The following CNTN1 variants were observed in gnomAD, a reference collection of about 807,000 sequenced individuals.
CNTN1 encodes contactin-1.
A neutral mutation model predicts 126.4 loss-of-function variants in CNTN1; 38 were observed. The observed-to-expected ratio is 0.30, with a 90% CI of 0.23 to 0.39. The LOEUF is 0.39. CNTN1 is among the 10% of genes least tolerant of loss of function. The pLI is 1.00. For synonymous variants in CNTN1, 413 were observed against 422.6 expected, an observed-to-expected ratio of 0.98 and a Z score of 0.28; for missense variants, 1,009 against 1,248.4, an observed-to-expected ratio of 0.81 and a Z score of 2.89.
At chr12:40,773,698 T>TATATATATATATATACAC (rs1939461807) in intron 1 of CNTN1, among the ~76,000 whole-genome samples, 2 of 13,936 alleles carry the variant, frequency 1.4e-4, no homozygotes, top group African/African-American at 3.3e-4. Flanking sequence ...TATATACACA[T>TATATATATATATATACAC]ATATATATAT....
chr12:40,981,880 A>T (rs2120384065), intron 16 of CNTN1, among the ~76,000 whole-genome samples: 1 of 152,132 alleles, frequency 6.6e-6, no homozygotes, highest in Middle Eastern at 3.4e-3. Context: ...CCCAGTTGTC[A>T]CAAGAGGAGA....
At chr12:40,994,341 A>G (rs1027147898) in intron 17 of CNTN1, among the ~76,000 whole-genome samples, 1 of 152,096 alleles carries the variant, frequency 6.6e-6, no homozygotes, top group South Asian at 2.1e-4. Flanking sequence ...ATTAAACTCC[A>G]TGATTAAAGG....
intron 1 of CNTN1, among the ~76,000 whole-genome samples, chr12:40,739,019 T>C (rs1937819342): frequency 6.6e-6 from 1 of 151,976 alleles, no homozygotes; most frequent in Admixed American, 6.6e-5. Flanking sequence ...CACATGACAG[T>C]CATACCAGTA....
Position 40,908,572 on chromosome 12 carries a change from A to C in CNTN1, c.61+79A>C, listed in dbSNP as rs35684552. 43,126 of 1,076,696 alleles carry C rather than the reference A, an allele frequency of 0.04. 1,040 individuals carry two copies. The highest frequency in any genetic ancestry group is 0.086 in the Middle Eastern group (286 of 3,314). 66.7% of individuals were successfully genotyped at this position (1,076,696 alleles called of 1,614,324 possible). A position where few individuals can be genotyped will look rare whatever the true frequency, so the allele number is the denominator to read the frequency against. On this transcript the variant is annotated intron_variant, in intron 2 of 23. Transcript: ENST00000551295. ...GCGTGTTTATTAAATGTATTGTATG[A>C]AGTAAAAATTCTTATTTTCTCGACA... is the stretch of plus-strand genomic sequence containing the variant.
At chr12:40,877,988 C>CTTTTTT (rs199626249) in intron 1 of CNTN1, among the ~76,000 whole-genome samples, 96 of 109,330 alleles carry the variant, frequency 8.8e-4, no homozygotes, top group African/African-American at 2.4e-3. Flanking sequence ...CAGTTTTTTC[C>CTTTTTT]TTTTTTTTTT....
At chr12:41,063,728 G>T (rs1481946944) in intron 23 of CNTN1, among the ~76,000 whole-genome samples, 1 of 152,172 alleles carries the variant, frequency 6.6e-6, no homozygotes. Context: ...TTGGTCTGGG[G>T]ATAGGTGTGT....
At chr12:40,861,639 A>G (rs1029592167) in intron 1 of CNTN1, among the ~76,000 whole-genome samples, 1 of 152,070 alleles carries the variant, frequency 6.6e-6, no homozygotes, top group African/African-American at 2.4e-5. Context: ...AATAATCCTT[A>G]AGAACCGTTC....
intron 1 of CNTN1, among the ~76,000 whole-genome samples, chr12:40,834,309 T>A (rs781752130): frequency 6.6e-6 from 1 of 152,230 alleles, no homozygotes; most frequent in Non-Finnish European, 1.5e-5. Flanking sequence ...TAACTGCCCT[T>A]TCACCCGTTC....
At chr12:41,028,557 G>T (rs1949081627) in intron 22 of CNTN1, among the ~76,000 whole-genome samples, 1 of 152,108 alleles carries the variant, frequency 6.6e-6, no homozygotes, top group Non-Finnish European at 1.5e-5. Flanking sequence ...TGATAGGGTT[G>T]CCCAGCACCC....
At chr12:41,052,550 A>G (rs767611929) in intron 23 of CNTN1, among the ~76,000 whole-genome samples, 1 of 151,728 alleles carries the variant, frequency 6.6e-6, no homozygotes, top group African/African-American at 2.4e-5. Context: ...TTTCCTCTCA[A>G]TTTTCTTATT....
chr12:40,695,045 G>A (rs1941417038), intron 1 of CNTN1, among the ~76,000 whole-genome samples: 1 of 152,114 alleles, frequency 6.6e-6, no homozygotes, highest in Non-Finnish European at 1.5e-5. Context: ...ATTTTCACTT[G>A]GGAACTTAAT....
intron 1 of CNTN1, among the ~76,000 whole-genome samples, chr12:40,858,937 C>T (rs550670573): frequency 5.9e-4 from 89 of 151,534 alleles, no homozygotes; most frequent in African/African-American, 2.1e-3. Context: ...TGAGAACACA[C>T]GGACATAGGG....
intron 1 of CNTN1, among the ~76,000 whole-genome samples, chr12:40,852,136 G>T (rs1387785696): frequency 1.3e-5 from 2 of 152,102 alleles, no homozygotes; most frequent in African/African-American, 2.4e-5. Flanking sequence ...TCAGCATTCA[G>T]CAGAGAGGCC....
At chr12:40,867,235 C>G (rs1024715506) in intron 1 of CNTN1, among the ~76,000 whole-genome samples, 1 of 152,102 alleles carries the variant, frequency 6.6e-6, no homozygotes, top group East Asian at 1.9e-4. Flanking sequence ...GACATAGAAA[C>G]TAAAAAGACA....
At chr12:40,855,975 A>G (rs1459432217) in intron 1 of CNTN1, among the ~76,000 whole-genome samples, 2 of 152,102 alleles carry the variant, frequency 1.3e-5, no homozygotes, top group Admixed American at 6.6e-5. Flanking sequence ...CAACATTTAT[A>G]TCAGTTATCT....
intron 14 of CNTN1, 118 bp from the exon 15 acceptor site, chr12:40,958,996 A>C: frequency 8.2e-7 from 1 of 1,224,274 alleles, no homozygotes; most frequent in East Asian, 2.5e-5. Context: ...GCATGTCTAA[A>C]ACACATTCTT....
At chr12:41,011,231 G>A (rs1948644958) in intron 17 of CNTN1, among the ~76,000 whole-genome samples, 1 of 152,208 alleles carries the variant, frequency 6.6e-6, no homozygotes, top group African/African-American at 2.4e-5. Context: ...TCCTCTGGAA[G>A]TTGCTTTTCT....
chr12:40,801,681 C>A (rs921199274), intron 1 of CNTN1, among the ~76,000 whole-genome samples: 13 of 151,662 alleles, frequency 8.6e-5, no homozygotes, highest in African/African-American at 2.9e-4. Context: ...GGAAAGAGAA[C>A]AAGATGAGGC....
intron 15 of CNTN1, chr12:40,971,948 A>G: frequency 2.0e-6 from 2 of 1,018,734 alleles, no homozygotes; most frequent in Non-Finnish European, 2.3e-6. Context: ...ATGAGACATC[A>G]TAATTAGGAC....
Sources: allele counts gnomAD v4.1 joint callset (sites outside exome capture counted in the v4.1 genomes callset), GRCh38; gene constraint gnomAD v4.1.1; transcripts MANE v1.5; gene names NCBI Gene and HGNC (gene_info 2026-07-23, HGNC 2026-07-21).